The following PHC3 variants were observed in gnomAD, a reference collection of about 807,000 sequenced individuals.
PHC3 encodes the protein polyhomeotic-like protein 3.
A neutral mutation model predicts 107.4 loss-of-function variants in PHC3; 13 were observed. The observed-to-expected ratio is 0.12, with a 90% CI of 0.08 to 0.19. The LOEUF (loss-of-function observed/expected upper bound fraction) is 0.19, where lower values mean the gene tolerates loss of function less well. Among genes scored for constraint, PHC3 ranks in the 10% least tolerant of loss-of-function variants. The probability of loss-of-function intolerance (pLI) is 1.00; values close to 1 mark genes in which losing one functional copy is unlikely to be tolerated. For synonymous variants in PHC3, 456 were observed against 427.4 expected (o/e 1.07, Z -0.83); for missense variants, 992 against 1,210.9 (o/e 0.82, Z 2.68).
chr3:170,129,998 C>A (rs1721984778), intron 7 of PHC3, among the ~76,000 whole-genome samples: 2 of 152,144 alleles, frequency 1.3e-5, no homozygotes, highest in South Asian at 4.1e-4. Flanking sequence ...CACGCCTGGC[C>A]TGAATATTTA....
intron 6 of PHC3, among the ~76,000 whole-genome samples, chr3:170,140,195 TA>T (rs1191714207): frequency 6.1e-5 from 9 of 148,374 alleles, no homozygotes; most frequent in Admixed American, 2.7e-4. Context: ...CAGATAGCCT[TA>T]CTGGGGAATA....
intron 4 of PHC3, among the ~76,000 whole-genome samples, chr3:170,165,021 A>G (rs1290511844): frequency 6.6e-6 from 1 of 152,218 alleles, no homozygotes; most frequent in African/African-American, 2.4e-5. Context: ...AACCACCACC[A>G]GCACCCCAAT....
chr3:170,136,109 TTAAA>T (rs1723029774), intron 7 of PHC3, among the ~76,000 whole-genome samples: 1 of 152,224 alleles, frequency 6.6e-6, no homozygotes, highest in African/African-American at 2.4e-5. Flanking sequence ...CTGAAGTATA[TTAAA>T]TAAACTACAG....
intron 4 of PHC3, among the ~76,000 whole-genome samples, chr3:170,168,385 G>T (rs1389128859): frequency 6.6e-6 from 1 of 152,056 alleles, no homozygotes; most frequent in East Asian, 1.9e-4. Context: ...AATTTAACTA[G>T]ATCTTTGCTC....
intron 4 of PHC3, among the ~76,000 whole-genome samples, chr3:170,158,493 T>C (rs991052845): frequency 6.6e-6 from 1 of 151,902 alleles, no homozygotes; most frequent in African/African-American, 2.4e-5. Flanking sequence ...TCCCAGCTAC[T>C]TGGGAGGCTG....
At chr3:170,117,099 C>T (rs1194917767) in intron 10 of PHC3, 127 bp downstream of exon 10, 6 of 1,168,328 alleles carry the variant, frequency 5.1e-6, no homozygotes, top group Non-Finnish European at 7.3e-6. Context: ...AAGATAAATG[C>T]TAGATTAAAA....
chr3:170,122,884 AAACTT>A lies in PHC3; in HGVS notation c.1789-145_1789-141del, dbSNP rs1323707544. The A allele has an allele frequency of 2.0e-5, 19 of 942,390 alleles. No homozygotes were observed. In the Admixed American group the frequency reaches 6.1e-4, roughly 30 times the overall value. 58.4% of individuals were successfully genotyped at this position (942,390 alleles called of 1,614,324 possible). A position where few individuals can be genotyped will look rare whatever the true frequency, so the allele number is the denominator to read the frequency against. On this transcript the variant is annotated intron_variant, in intron 8 of 14. Transcript: ENST00000495893. ...TGACTACTCTAACAGACTGAAAGGAAAACTTAAAAATTGCTCGAATGAAGTTTTTC... is the reference window on the plus strand; with the variant it reads ...TGACTACTCTAACAGACTGAAAGGAAAAAAATTGCTCGAATGAAGTTTTTC...
At chr3:170,170,124 GT>G (rs1249777940) in intron 4 of PHC3, 1 of 151,660 alleles carries the variant, frequency 6.6e-6, no homozygotes, top group African/African-American at 2.4e-5. Flanking sequence ...ACCACAGCAT[GT>G]AGTTAGCAAA....
chr3:170,146,310 G>A (rs1035775547), intron 5 of PHC3, among the ~76,000 whole-genome samples: 3 of 151,634 alleles, frequency 2.0e-5, no homozygotes, highest in Non-Finnish European at 2.9e-5. Flanking sequence ...AGGAGGTGGA[G>A]GTTGCAGTCA....
intron 4 of PHC3, chr3:170,150,581 T>C (rs953105576): frequency 1.1e-4 from 15 of 141,578 alleles, no homozygotes; most frequent in African/African-American, 3.4e-4. Context: ...GGTGTGGTGG[T>C]GGGTGCCTGT....
intron 6 of PHC3, among the ~76,000 whole-genome samples, chr3:170,140,573 CATTTCT>C (rs1723884588): frequency 7.4e-6 from 1 of 135,580 alleles, no homozygotes; most frequent in East Asian, 2.3e-4. Flanking sequence ...AGTTCTTACT[CATTTCT>C]TTTTCTTTTT....
At chr3:170,103,593 G>A (rs1715899810) in intron 12 of PHC3, among the ~76,000 whole-genome samples, 1 of 152,150 alleles carries the variant, frequency 6.6e-6, no homozygotes, top group African/African-American at 2.4e-5. Flanking sequence ...CATGATGACA[G>A]CTTAAAAGAA....
intron 11 of PHC3, among the ~76,000 whole-genome samples, chr3:170,112,218 C>T (rs530480683): frequency 3.4e-4 from 51 of 151,870 alleles, no homozygotes; most frequent in African/African-American, 1.1e-3. Context: ...TACTTTATTT[C>T]ATTTTTTTTT....
chr3:170,141,592 G>A (rs994866374), intron 6 of PHC3, among the ~76,000 whole-genome samples: 4 of 151,996 alleles, frequency 2.6e-5, no homozygotes, highest in Non-Finnish European at 4.4e-5. Flanking sequence ...GTTTCACCTT[G>A]GAAACTATAA....
chr3:170,181,139 C>T (rs1178838113), intron 1 of PHC3, among the ~76,000 whole-genome samples: 2 of 152,240 alleles, frequency 1.3e-5, no homozygotes, highest in Non-Finnish European at 2.9e-5. Context: ...TTCAGCCTCA[C>T]CAGACCTGCA....
chr3:170,114,820 C>T (rs941262700), intron 10 of PHC3, among the ~76,000 whole-genome samples: 17 of 152,156 alleles, frequency 1.1e-4, no homozygotes, highest in East Asian at 1.9e-4. Flanking sequence ...ATATGGGGAA[C>T]AACAGCTTAT....
intron 7 of PHC3, among the ~76,000 whole-genome samples, chr3:170,135,506 T>TA (rs147635618): frequency 0.038 from 5,782 of 151,494 alleles, 361 homozygotes; most frequent in African/African-American, 0.13. Flanking sequence ...GCAACACACA[T>TA]ACACATACAC....
chr3:170,167,591 C>A (rs1054889419), intron 4 of PHC3, among the ~76,000 whole-genome samples: 2 of 151,950 alleles, frequency 1.3e-5, no homozygotes, highest in African/African-American at 4.8e-5. Flanking sequence ...AAAACCCCAT[C>A]TCTGCTTAAA....
At chr3:170,154,603 C>T (rs1210388745) in intron 4 of PHC3, among the ~76,000 whole-genome samples, 1 of 152,100 alleles carries the variant, frequency 6.6e-6, no homozygotes, top group Non-Finnish European at 1.5e-5. Context: ...AAAGTACAAA[C>T]AGAATGCTTT....
Sources: gnomAD v4.1 joint callset for allele counts (sites outside exome capture counted in the v4.1 genomes callset) on GRCh38, gnomAD v4.1.1 for gene constraint, MANE v1.5 for transcripts, NCBI Gene and HGNC (gene_info 2026-07-23, HGNC 2026-07-21) for gene names.